The following KATNIP variants were observed in gnomAD, a reference collection of about 807,000 sequenced individuals.
KATNIP encodes the protein katanin-interacting protein.
KATNIP carries 126 observed loss-of-function variants against 174.0 expected under a neutral mutation model. The ratio of observed to expected loss-of-function variants is 0.72; its 90% CI spans 0.63 to 0.84. The LOEUF (loss-of-function observed/expected upper bound fraction) is 0.84, where lower values mean the gene tolerates loss of function less well. Among genes scored for constraint, KATNIP ranks in the 40% least tolerant of loss-of-function variants. The probability of loss-of-function intolerance (pLI) is 0.00; values close to 1 mark genes in which losing one functional copy is unlikely to be tolerated. For missense variants in KATNIP, 1,958 were observed against 2,109.7 expected (o/e 0.93, Z 1.41); for synonymous variants, 810 against 835.7 (o/e 0.97, Z 0.53).
intron 2 of KATNIP, among the ~76,000 whole-genome samples, chr16:27,614,824 G>A (rs929851055): frequency 2.6e-5 from 4 of 152,164 alleles, no homozygotes; most frequent in African/African-American, 4.8e-5. Context: ...GGCTCCAGGG[G>A]AAGATGGAAG....
chr16:27,631,561 C>T (rs200020003), intron 5 of KATNIP, among the ~76,000 whole-genome samples: 1 of 144,788 alleles, frequency 6.9e-6, no homozygotes, highest in East Asian at 2.0e-4. Context: ...AAAAAAAAAA[C>T]ACCCTATGGG....
Position 27,701,576 on chromosome 16 carries a change from T to A in KATNIP, c.1180-13T>A. 25 of 1,568,690 alleles carry A rather than the reference T, an allele frequency of 1.6e-5. No homozygotes were observed. The highest frequency in any genetic ancestry group is 2.2e-5 in the Non-Finnish European group (25 of 1,155,488). On this transcript the variant is annotated splice_polypyrimidine_tract_variant and intron_variant, in intron 10 of 27. Coordinates refer to ENST00000261588, the MANE Select transcript of KATNIP (RefSeq NM_015202.5). ...GCCTGAGACATCTGTTTAATAAGCC[T>A]TTCCATCCTCAGCTGCTTCCCATCA...
intron 8 of KATNIP, among the ~76,000 whole-genome samples, chr16:27,681,896 A>G (rs887653175): frequency 1.3e-5 from 2 of 152,154 alleles, no homozygotes; most frequent in Non-Finnish European, 2.9e-5. Flanking sequence ...GCCCACTCAC[A>G]TGGTGGAGGG....
chr16:27,764,496 C>A (rs888854459), intron 19 of KATNIP, among the ~76,000 whole-genome samples: 1 of 152,224 alleles, frequency 6.6e-6, no homozygotes, highest in African/African-American at 2.4e-5. Flanking sequence ...TTTCTTGTCC[C>A]AGACCTGGCA....
intron 2 of KATNIP, among the ~76,000 whole-genome samples, chr16:27,605,416 G>A (rs1025011577): frequency 6.6e-5 from 10 of 152,302 alleles, no homozygotes; most frequent in African/African-American, 1.9e-4. Flanking sequence ...AAAATACACC[G>A]TAACTGTGTC....
chr16:27,697,971 G>A lies in KATNIP; in HGVS notation c.941-357G>A, dbSNP rs944358875. Among the ~76,000 whole-genome samples the A allele has an allele frequency of 3.9e-5, 6 of 152,048 alleles. No individual in the cohort carries two copies. In the South Asian group the frequency reaches 6.2e-4, roughly 16 times the overall value. ...CTATATATATCTCCTAAAAACAAGG[G>A]CATTCATTTTACATAACCACAGTAC... On this transcript the variant is annotated intron_variant, in intron 8 of 27. Transcript: ENST00000261588.
chr16:27,665,310 G>A (rs2142548500), intron 6 of KATNIP, among the ~76,000 whole-genome samples: 1 of 151,860 alleles, frequency 6.6e-6, no homozygotes, highest in African/African-American at 2.4e-5. Flanking sequence ...TCACCATGTT[G>A]GCCGTGCTAG....
chr16:27,682,762 A>G (rs1164389601), intron 8 of KATNIP, among the ~76,000 whole-genome samples: 4 of 152,260 alleles, frequency 2.6e-5, no homozygotes, highest in African/African-American at 4.8e-5. Flanking sequence ...TTAATCCCCA[A>G]TGTGGCAATA....
chr16:27,771,728 G>C, intron 22 of KATNIP, 76 bp downstream of exon 22: 1 of 1,484,438 alleles, frequency 6.7e-7, no homozygotes, highest in Non-Finnish European at 9.3e-7. Context: ...CCCAGCCAGG[G>C]TTTCAGGCGG....
chr16:27,705,060 A>G (rs187718570), intron 12 of KATNIP, among the ~76,000 whole-genome samples: 159 of 151,934 alleles, frequency 1.0e-3, no homozygotes, highest in African/African-American at 3.6e-3. Flanking sequence ...ACAGGCACGC[A>G]TCACCATGCC....
At chr16:27,737,555 A>G (rs936318361) in intron 14 of KATNIP, among the ~76,000 whole-genome samples, 1 of 152,138 alleles carries the variant, frequency 6.6e-6, no homozygotes, top group African/African-American at 2.4e-5. Flanking sequence ...GCAAGGGAAG[A>G]GCACTCGGGA....
chr16:27,683,988 G>T (rs74366388), intron 8 of KATNIP, among the ~76,000 whole-genome samples: 1 of 152,152 alleles, frequency 6.6e-6, no homozygotes, highest in Middle Eastern at 3.2e-3. Flanking sequence ...GGAGTGGCAC[G>T]GTGGTGGTCG....
At chr16:27,601,971 G>C (rs930695050) in intron 2 of KATNIP, among the ~76,000 whole-genome samples, 1 of 152,196 alleles carries the variant, frequency 6.6e-6, no homozygotes, top group South Asian at 2.1e-4. Flanking sequence ...GATTGGCGGA[G>C]GGTGGCTGCC....
chr16:27,751,923 G>T lies in KATNIP; in HGVS notation c.3551G>T (p.Arg1184Leu), dbSNP rs554365660. 6.2e-7 allele frequency: 1 copy of T among 1,605,016 alleles called. No homozygotes were observed. Among genetic ancestry groups the T allele is most frequent in the Non-Finnish European group, 8.5e-7 (1 of 1,177,312 alleles). The change falls in exon 17 of 28, where the codon CGG becomes CTG. Residue 1184 changes from arginine (R) to leucine (L), a missense_variant and splice_region_variant. Arg to Leu is a moderately radical substitution (Grantham distance 102). Around this residue, in one of 3 missense-constraint regions of KATNIP, gnomAD observed 1,557 missense variants for 1,617.8 expected, o/e 0.96. Coordinates refer to ENST00000261588, the MANE Select transcript of KATNIP (RefSeq NM_015202.5). ...FTQAGLGADE[R>L]IPELELPSSS... ...CAGGCTGGCTTGGGGGCTGATGAAC[G>T]GGTAGGACTGGAGCTGGGGGGCTGT... is the stretch of plus-strand genomic sequence containing the variant.
chr16:27,651,201 C>T (rs774985220), intron 6 of KATNIP, among the ~76,000 whole-genome samples: 5 of 152,230 alleles, frequency 3.3e-5, no homozygotes, highest in Non-Finnish European at 7.3e-5. Context: ...TCCTTTTGTG[C>T]ACATACTCCG....
chr16:27,591,749 AT>A (rs371303871), intron 2 of KATNIP, among the ~76,000 whole-genome samples: 112 of 152,234 alleles, frequency 7.4e-4, no homozygotes, highest in Admixed American at 2.1e-3. Context: ...TCACGCACTC[AT>A]TTTGTGCCAT....
At chr16:27,634,596 C>T (rs897166027) in intron 5 of KATNIP, among the ~76,000 whole-genome samples, 11 of 152,140 alleles carry the variant, frequency 7.2e-5, no homozygotes, top group Admixed American at 3.3e-4. Flanking sequence ...GCTGGGACAG[C>T]GCTATGAAGA....
At chr16:27,679,918 A>G (rs982689827) in intron 7 of KATNIP, among the ~76,000 whole-genome samples, 4 of 152,038 alleles carry the variant, frequency 2.6e-5, no homozygotes, top group Non-Finnish European at 4.4e-5. Flanking sequence ...CCAGATGACC[A>G]CAGTCCCTTT....
chr16:27,721,474 C>T lies in KATNIP; in HGVS notation c.1606-84C>T, dbSNP rs543785964. ...CCCTCACCAGGCCTCTCCTGGTTTT[C>T]GTGAGCCAAAGAGCCGCTGCCATTT... On this transcript the variant is annotated intron_variant, in intron 13 of 27. Coordinates refer to ENST00000261588, the MANE Select transcript of KATNIP (RefSeq NM_015202.5). 59 of 1,550,036 alleles carry T rather than the reference C, an allele frequency of 3.8e-5. No individual in the cohort carries two copies. In the East Asian group the frequency reaches 8.3e-4, roughly 22 times the overall value.
Sources: gnomAD v4.1 joint callset for allele counts (sites outside exome capture counted in the v4.1 genomes callset) on GRCh38, gnomAD v4.1.1 for gene constraint, gnomAD v4.1.1 regional missense constraint, MANE v1.5 for transcripts, NCBI Gene and HGNC (gene_info 2026-07-23, HGNC 2026-07-21) for gene names.